PSMD2: variants seen among roughly 807,000 people sequenced by gnomAD.
The protein encoded by PSMD2 is proteasome 26S subunit ubiquitin receptor, non-ATPase 2.
PSMD2 carries 8 observed loss-of-function variants against 101.5 expected under a neutral mutation model. That is an observed-to-expected ratio of 0.08 (90% CI 0.05 to 0.14). The LOEUF (loss-of-function observed/expected upper bound fraction) is 0.14. Ranked by LOEUF, PSMD2 falls within the 10% of genes least tolerant of loss-of-function variation. PSMD2 has a pLI of 1.00. For synonymous variants in PSMD2, 418 were observed against 433.8 expected, an observed-to-expected ratio of 0.96 and a Z score of 0.45; for missense variants, 784 against 1,147.4, an observed-to-expected ratio of 0.68 and a Z score of 4.58.
At chr3:184,303,863 G>T (rs62287498) in intron 10 of PSMD2, 84 bp from the exon 11 acceptor site, 1 of 1,605,586 alleles carries the variant, frequency 6.2e-7, no homozygotes, top group African/African-American at 1.3e-5. Context: ...AGTTAATAAG[G>T]GTGCTGCAGT....
At position 184,308,306 on chromosome 3, in the gene PSMD2, G is replaced by A. The variant is rs1352842852; in HGVS notation, c.2426-143G>A. Reference sequence around the variant, plus strand: ...AGTGAGGTGGGGGCGTCTCTGGTTCGTAGTAGGGTGTATGAGGGGAGGAGT... The same window carrying A: ...AGTGAGGTGGGGGCGTCTCTGGTTCATAGTAGGGTGTATGAGGGGAGGAGT... On this transcript the variant is annotated intron_variant, in intron 19 of 20. Transcript: ENST00000310118. This position sits in a 1 kb window ranked among gnomAD's most constrained non-coding sequence, Gnocchi z 6.0. 5 of 821,798 alleles carry A rather than the reference G, an allele frequency of 6.1e-6. No homozygotes were observed. The highest frequency in any genetic ancestry group is 2.4e-5 in the East Asian group (1 of 41,040). 50.9% of individuals were successfully genotyped at this position (821,798 alleles called of 1,614,324 possible).
rs1721687496 is a variant in PSMD2 at position 184,302,721 on chromosome 3, G to T, written c.906G>T (p.Gly302=). Residue 302 remains glycine, a synonymous_variant, in exon 7 of 21, where the codon GGG becomes GGT. Coordinates refer to ENST00000310118, the MANE Select transcript of PSMD2 (RefSeq NM_002808.5). ...KQMAFMLGRH[G]VFLELSEDVE... ...TGGCATTCATGCTAGGCCGGCATGGGGTGTTCCTGGAGCTGAGTGAAGATG... is the reference window on the plus strand; with the variant it reads ...TGGCATTCATGCTAGGCCGGCATGGTGTGTTCCTGGAGCTGAGTGAAGATG... 1.2e-6 allele frequency: 2 copies of T among 1,613,960 alleles called. No homozygotes were observed. Among genetic ancestry groups the T allele is most frequent in the Non-Finnish European group, 1.7e-6 (2 of 1,180,042 alleles).
chr3:184,302,305 G>A, intron 5 of PSMD2, 65 bp from the exon 6 acceptor site: 1 of 1,401,092 alleles, frequency 7.1e-7, no homozygotes, highest in Non-Finnish European at 9.4e-7. Flanking sequence ...TTTTGGGTAA[G>A]TGAATTCATG....
chr3:184,307,703 G>A lies in PSMD2; in HGVS notation c.2293G>A (p.Ala765Thr). The A allele has an allele frequency of 1.2e-6, 2 of 1,614,092 alleles. No homozygotes were observed. The highest frequency in any genetic ancestry group is 1.7e-6 in the Non-Finnish European group (2 of 1,179,972). ...DPNNLFMVRL[A>T]QGLTHLGKGT... The stretch of plus-strand genomic sequence containing the variant: ...AAACAACCTCTTCATGGTGCGCTTG[G>A]CACAGGTAAAGAATAGAACTCCTCC... The change falls in exon 18 of 21, where the codon GCA becomes ACA. Residue 765 changes from alanine to threonine, a missense_variant. By Grantham distance (58) the Ala-to-Thr change is moderately conservative (BLOSUM62 0). This residue lies in a region of PSMD2 where 282 missense variants were observed against 437.6 expected (regional missense o/e 0.64). Transcript: ENST00000310118.
intron 4 of PSMD2, 74 bp from the exon 5 acceptor site, chr3:184,301,773 G>A (rs749085402): frequency 3.7e-6 from 6 of 1,608,740 alleles, no homozygotes; most frequent in South Asian, 3.3e-5. Flanking sequence ...TTTCCCAGAC[G>A]CTGGATTCCT....
intron 14 of PSMD2, 47 bp from the exon 15 acceptor site, chr3:184,306,303 T>C: frequency 2.5e-6 from 4 of 1,601,568 alleles, no homozygotes; most frequent in Non-Finnish European, 3.4e-6. Context: ...AGCTTTTCCT[T>C]GGTAACTTCT....
chr3:184,306,626 T>C, intron 15 of PSMD2, 125 bp from the exon 16 acceptor site: 1 of 1,529,150 alleles, frequency 6.5e-7, no homozygotes, highest in East Asian at 2.3e-5. Context: ...GTGACTGGGT[T>C]CTGTATGTAA....
intron 8 of PSMD2, 123 bp from the exon 9 acceptor site, chr3:184,303,197 G>A (rs565515411): frequency 7.4e-6 from 11 of 1,496,278 alleles, no homozygotes; most frequent in South Asian, 7.0e-5. Context: ...CACTGCTTGG[G>A]GGGGTATAGG....
At chr3:184,302,314 T>A in intron 5 of PSMD2, 56 bp from the exon 6 acceptor site, 1 of 1,425,066 alleles carries the variant, frequency 7.0e-7, no homozygotes, top group South Asian at 1.2e-5. Context: ...AGTGAATTCA[T>A]GGGGAAAATG....
intron 16 of PSMD2, among the ~76,000 whole-genome samples, chr3:184,307,103 C>T (rs1721857155): frequency 6.6e-6 from 1 of 152,106 alleles, no homozygotes; most frequent in Admixed American, 6.5e-5. Context: ...TGCCACCATG[C>T]CCAGCTAATT....
At chr3:184,307,858 T>A (rs200170254) in intron 18 of PSMD2, 32 bp from the exon 19 acceptor site, 7 of 1,613,696 alleles carry the variant, frequency 4.3e-6, no homozygotes, top group Admixed American at 1.7e-5. Context: ...CAGTGGTAAC[T>A]CCTCACCTCT....
Position 184,308,349 on chromosome 3 carries a change from A to T in PSMD2, c.2426-100A>T. The T allele has an allele frequency of 1.0e-6, 1 of 983,604 alleles. No homozygotes were observed. Among genetic ancestry groups the T allele is most frequent in the Non-Finnish European group, 1.5e-6 (1 of 656,752 alleles). The allele number at this position is 983,604 out of a possible 1,614,324, so 60.9% of individuals were successfully genotyped here. A position where few individuals can be genotyped will look rare whatever the true frequency, so the allele number is the denominator to read the frequency against. On this transcript the variant is annotated intron_variant, in intron 19 of 20. Coordinates refer to ENST00000310118, the MANE Select transcript of PSMD2 (RefSeq NM_002808.5). The surrounding 1 kb of genome is among the most constrained non-coding windows in gnomAD (Gnocchi z 6.0). ...GGAGGAGTGTGGATTCAGTCGTATG[A>T]CTGACGGGTTAAAGGGTCAGCGCTG...
At chr3:184,301,437 A>G (rs1721639443) in intron 3 of PSMD2, 100 bp from the exon 4 acceptor site, 2 of 1,414,240 alleles carry the variant, frequency 1.4e-6, no homozygotes, top group South Asian at 2.4e-5. Flanking sequence ...ATTGGTATGT[A>G]GTTAGTTCAG....
At position 184,304,530 on chromosome 3, in the gene PSMD2, GT is replaced by G; in HGVS notation, c.1539+140del. ...TGCCTGTTGGTGTGTATTGAGGGGC[GT>G]CACCTCAGTGAAACCCCTTGATCTG... On this transcript the variant is annotated intron_variant, in intron 12 of 20. Transcript: ENST00000310118. This position sits in a 1 kb window ranked among gnomAD's most constrained non-coding sequence, Gnocchi z 4.1. The G allele has an allele frequency of 3.6e-6, 3 of 827,370 alleles. No homozygotes were observed. Among genetic ancestry groups the G allele is most frequent in the Non-Finnish European group, 5.9e-6 (3 of 507,936 alleles). 51.3% of individuals were successfully genotyped at this position (827,370 alleles called of 1,614,324 possible).
chr3:184,304,386 A>C lies in PSMD2; in HGVS notation c.1534A>C (p.Met512Leu). 6.2e-7 allele frequency: 1 copy of C among 1,614,026 alleles called. No individual in the cohort carries two copies. Among genetic ancestry groups the C allele is most frequent in the Non-Finnish European group, 8.5e-7 (1 of 1,179,868 alleles). Residue 512 changes from methionine (M) to leucine (L), a missense_variant, in exon 12 of 21, where the codon ATG becomes CTG. Coordinates refer to ENST00000310118, the MANE Select transcript of PSMD2 (RefSeq NM_002808.5). This position sits in a 1 kb window ranked among gnomAD's most constrained non-coding sequence, Gnocchi z 4.1. ...TGTGATGGGAGATTCAAAGTCCAGC[A>C]TGGAGGTGAGTAGAGGCTATTGAGC... is the stretch of plus-strand genomic sequence containing the variant. Reference protein sequence around the residue: ...LPVMGDSKSSMEVAGVTALAC... With the variant: ...LPVMGDSKSSLEVAGVTALAC...
In PSMD2 at chr3:184,304,467, AAAAG is replaced by A. The variant is rs1721761880; in HGVS notation, c.1539+79_1539+82del. The A allele has an allele frequency of 6.9e-6, 10 of 1,459,038 alleles. No homozygotes were observed. The highest frequency in any genetic ancestry group is 7.7e-6 in the Non-Finnish European group (8 of 1,040,738). The allele number at this position is 1,459,038 out of a possible 1,614,324, so 90.4% of individuals were successfully genotyped here. On this transcript the variant is annotated intron_variant, in intron 12 of 20. Coordinates refer to ENST00000310118, the MANE Select transcript of PSMD2 (RefSeq NM_002808.5). The surrounding 1 kb of genome is among the most constrained non-coding windows in gnomAD (Gnocchi z 4.1). ...TCTTACTTTCTGTGATAAATAATGA[AAAAG>A]AAGTAAGTGTGTGCATGTGTGCATA...
At chr3:184,301,698 G>A in intron 4 of PSMD2, 40 bp downstream of exon 4, 2 of 1,612,782 alleles carry the variant, frequency 1.2e-6, no homozygotes, top group Non-Finnish European at 1.7e-6. Flanking sequence ...GGGGCTCTGA[G>A]GCTCTGAGAT....
In PSMD2 at chr3:184,308,625, A is replaced by G. The variant is rs1721926542; in HGVS notation, c.2544+58A>G. 2.5e-6 allele frequency: 4 copies of G among 1,586,396 alleles called. No individual in the cohort carries two copies. The highest frequency in any genetic ancestry group is 3.3e-4 in the Middle Eastern group (2 of 5,974). ...TGTATTCTCAAACTGGAGAATGTAC[A>G]TATACTTGCTTTGCTGAAACTGGCG... On this transcript the variant is annotated intron_variant, in intron 20 of 20. Coordinates refer to ENST00000310118, the MANE Select transcript of PSMD2 (RefSeq NM_002808.5). The surrounding 1 kb of genome is among the most constrained non-coding windows in gnomAD (Gnocchi z 6.0).
At position 184,299,902 on chromosome 3, in the gene PSMD2, C is replaced by T. The variant is rs762271069; in HGVS notation, c.187C>T (p.Leu63=). The T allele has an allele frequency of 1.9e-5, 30 of 1,613,522 alleles. No individual in the cohort carries two copies. The highest frequency in any genetic ancestry group is 1.6e-4 in the Middle Eastern group (1 of 6,084). ...QDELEMLVER[L]GEKDTSLYRP... ...TGAACTGGAGATGCTCGTGGAACGA[C>T]TAGGGGTGAGTCACGATGTTAACAT... The change falls in exon 2 of 21, where the codon CTA becomes TTA. Residue 63 remains leucine (L), a synonymous_variant. Transcript: ENST00000310118.
Sources: allele counts gnomAD v4.1 joint callset (sites outside exome capture counted in the v4.1 genomes callset), GRCh38; gene constraint gnomAD v4.1.1; regional missense constraint gnomAD v4.1.1; non-coding constraint Gnocchi (gnomAD v3.1); transcripts MANE v1.5; gene names NCBI Gene and HGNC (gene_info 2026-07-23, HGNC 2026-07-21).